MYLK4: variants seen among roughly 807,000 people sequenced by gnomAD.
The protein encoded by MYLK4 is caMLCK like.
A neutral mutation model predicts 48.1 loss-of-function variants in MYLK4; 46 were observed. The ratio of observed to expected loss-of-function variants is 0.96; its 90% CI spans 0.75 to 1.22. The LOEUF is 1.22. Among genes scored for constraint, MYLK4 ranks in the 50% most tolerant of loss-of-function variants. MYLK4 has a pLI of 0.00. For synonymous variants in MYLK4, 170 were observed against 180.8 expected (o/e 0.94, Z 0.48); for missense variants, 451 against 486.1 (o/e 0.93, Z 0.68).
chr6:2,770,284 C>T, the MYLK4 span: 4 of 1,614,014 alleles, frequency 2.5e-6, no homozygotes, highest in Non-Finnish European at 2.5e-6. Context: ...TGCGAGCGAT[C>T]AACTCCCTGG....
intron 2 of MYLK4, among the ~76,000 whole-genome samples, chr6:2,731,102 C>G (rs530448763): frequency 3.2e-4 from 49 of 152,100 alleles, no homozygotes; most frequent in Non-Finnish European, 6.3e-4. Flanking sequence ...ATATGGAAAA[C>G]TAGAGGTAAG....
At chr6:2,700,778 A>G (rs1762254373) in intron 2 of MYLK4, among the ~76,000 whole-genome samples, 1 of 152,150 alleles carries the variant, frequency 6.6e-6, no homozygotes, top group African/African-American at 2.4e-5. Context: ...TTCTTGGCCA[A>G]AATTTAGTAA....
upstream of MYLK4, among the ~76,000 whole-genome samples, chr6:2,755,703 T>C (rs1407545541): frequency 6.6e-6 from 1 of 152,092 alleles, no homozygotes; most frequent in African/African-American, 2.4e-5. Context: ...CACACCAGGC[T>C]AAGTTTTGTA....
At chr6:2,740,251 C>G (rs912681126) in intron 2 of MYLK4, among the ~76,000 whole-genome samples, 1 of 152,210 alleles carries the variant, frequency 6.6e-6, no homozygotes, top group African/African-American at 2.4e-5. Flanking sequence ...CCTTGTCCTC[C>G]GCGCATGCTC....
At chr6:2,726,310 G>C (rs918672802) in intron 2 of MYLK4, among the ~76,000 whole-genome samples, 6 of 152,188 alleles carry the variant, frequency 3.9e-5, no homozygotes, top group Non-Finnish European at 7.4e-5. Context: ...TAGGTGAGAG[G>C]AGAGAAGGAG....
the MYLK4 span, among the ~76,000 whole-genome samples, chr6:2,763,494 G>C: frequency 6.6e-6 from 1 of 152,224 alleles, no homozygotes; most frequent in Non-Finnish European, 1.5e-5. Flanking sequence ...CTACGGCCTG[G>C]CGAGAAGTGC....
chr6:2,762,439 A>G, the MYLK4 span, among the ~76,000 whole-genome samples: 4 of 152,382 alleles, frequency 2.6e-5, no homozygotes, highest in Admixed American at 2.0e-4. Flanking sequence ...CCTTATATTA[A>G]GAGATTCAAG....
intron 2 of MYLK4, among the ~76,000 whole-genome samples, chr6:2,700,122 G>C (rs1762231920): frequency 6.6e-6 from 1 of 152,002 alleles, no homozygotes; most frequent in African/African-American, 2.4e-5. Flanking sequence ...CACCTTACCT[G>C]TCCTCCCCAC....
chr6:2,750,344 T>C (rs1482378332), intron 1 of MYLK4, among the ~76,000 whole-genome samples: 2 of 152,246 alleles, frequency 1.3e-5, no homozygotes, highest in Non-Finnish European at 2.9e-5. Flanking sequence ...AAATTATACT[T>C]ATCCACATAA....
chr6:2,763,323 A>T, the MYLK4 span, among the ~76,000 whole-genome samples: 1 of 152,234 alleles, frequency 6.6e-6, no homozygotes. Context: ...TGCTAGTCCC[A>T]CGTAATGAGC....
intron 3 of MYLK4, among the ~76,000 whole-genome samples, chr6:2,689,577 C>T (rs1761696429): frequency 1.3e-5 from 2 of 152,190 alleles, no homozygotes; most frequent in Non-Finnish European, 2.9e-5. Context: ...CCCCTTCCAC[C>T]TTAAGTGTTT....
chr6:2,744,630 A>G (rs1764012568), intron 2 of MYLK4, among the ~76,000 whole-genome samples: 1 of 152,048 alleles, frequency 6.6e-6, no homozygotes. Flanking sequence ...CTTTACTCCA[A>G]CCCACTGTCC....
At chr6:2,741,005 T>TA (rs1763881580) in intron 2 of MYLK4, among the ~76,000 whole-genome samples, 1 of 152,262 alleles carries the variant, frequency 6.6e-6, no homozygotes. Context: ...TTTTAAAACT[T>TA]ATGTGTGTGT....
chr6:2,767,745 G>T, the MYLK4 span, among the ~76,000 whole-genome samples: 1 of 152,218 alleles, frequency 6.6e-6, no homozygotes, highest in African/African-American at 2.4e-5. Context: ...TTAGGGAGAC[G>T]AGTGGGTGAG....
chr6:2,721,219 A>G (rs1345572451), intron 2 of MYLK4, among the ~76,000 whole-genome samples: 2 of 152,222 alleles, frequency 1.3e-5, no homozygotes, highest in Non-Finnish European at 2.9e-5. Flanking sequence ...TATCCAAGAA[A>G]GGTTCCTAGA....
chr6:2,733,100 T>A (rs749391747), intron 2 of MYLK4, among the ~76,000 whole-genome samples: 6 of 152,202 alleles, frequency 3.9e-5, no homozygotes, highest in Non-Finnish European at 5.9e-5. Context: ...TCAAATTATA[T>A]CCTTCTTCTT....
Position 2,700,361 on chromosome 6 carries a change from T to C in MYLK4, c.160-7502A>G, listed in dbSNP as rs558994390. Among the ~76,000 whole-genome samples the C allele has an allele frequency of 5.9e-5, 9 of 152,258 alleles. No homozygotes were observed. In the East Asian group the frequency reaches 1.7e-3, roughly 29 times the overall value. Reference sequence around the variant, plus strand: ...TGAGTGGGGCCAGAACACCAGTGTTTTTTAACCCACCCACACCCCAGGGAT... The same window carrying C: ...TGAGTGGGGCCAGAACACCAGTGTTCTTTAACCCACCCACACCCCAGGGAT... On this transcript the variant is annotated intron_variant, in intron 2 of 12. Transcript: ENST00000274643.
At chr6:2,669,706 C>T (rs1337865609) in intron 12 of MYLK4, among the ~76,000 whole-genome samples, 3 of 152,136 alleles carry the variant, frequency 2.0e-5, no homozygotes, top group African/African-American at 7.2e-5. Flanking sequence ...ATAACCTAGG[C>T]CTGGGGGCAC....
intron 1 of MYLK4, among the ~76,000 whole-genome samples, chr6:2,749,979 C>T (rs531128737): frequency 6.6e-6 from 1 of 152,102 alleles, no homozygotes; most frequent in African/African-American, 2.4e-5. Flanking sequence ...AGCTATGTAC[C>T]GAGAAGTTCA....
Sources: allele counts gnomAD v4.1 joint callset (sites outside exome capture counted in the v4.1 genomes callset), GRCh38; gene constraint gnomAD v4.1.1; transcripts MANE v1.5; gene names NCBI Gene and HGNC (gene_info 2026-07-23, HGNC 2026-07-21).